The following KIAA0825 variants were observed in gnomAD, a reference collection of about 807,000 sequenced individuals.
The protein encoded by KIAA0825 is uncharacterized protein KIAA0825.
A neutral mutation model predicts 147.6 loss-of-function variants in KIAA0825; 119 were observed. The observed-to-expected ratio is 0.81, with a 90% CI of 0.69 to 0.94. The LOEUF (loss-of-function observed/expected upper bound fraction) is 0.94, where lower values mean the gene tolerates loss of function less well. Among genes scored for constraint, KIAA0825 ranks in the 40% least tolerant of loss-of-function variants. KIAA0825 has a pLI of 0.00. For synonymous variants in KIAA0825, 470 were observed against 518.1 expected, an observed-to-expected ratio of 0.91 and a Z score of 1.26; for missense variants, 1,381 against 1,472.7, an observed-to-expected ratio of 0.94 and a Z score of 1.02.
chr5:94,343,766 CTCTA>C (rs1224333596), intron 20 of KIAA0825, among the ~76,000 whole-genome samples: 4 of 152,244 alleles, frequency 2.6e-5, no homozygotes, highest in African/African-American at 4.8e-5. Flanking sequence ...GTTTGTATCC[CTCTA>C]TCTATCTACC....
intron 2 of KIAA0825, among the ~76,000 whole-genome samples, chr5:94,541,825 A>G (rs1340235980): frequency 2.6e-5 from 4 of 152,256 alleles, no homozygotes; most frequent in African/African-American, 9.6e-5. Flanking sequence ...TTTAGTATAA[A>G]GTCATACAGG....
intron 9 of KIAA0825, among the ~76,000 whole-genome samples, 162 bp downstream of exon 9, chr5:94,471,304 A>G (rs1761191763): frequency 6.6e-6 from 1 of 152,080 alleles, no homozygotes; most frequent in Non-Finnish European, 1.5e-5. Flanking sequence ...CCCATGCTCC[A>G]CCTTTTTGAT....
intron 20 of KIAA0825, among the ~76,000 whole-genome samples, chr5:94,293,820 G>T (rs535415027): frequency 6.6e-6 from 1 of 152,282 alleles, no homozygotes; most frequent in South Asian, 2.1e-4. Flanking sequence ...ATAAATTTAG[G>T]ATAGTTAGTT....
At chr5:94,448,272 A>G (rs1757975633) in intron 13 of KIAA0825, among the ~76,000 whole-genome samples, 1 of 151,522 alleles carries the variant, frequency 6.6e-6, no homozygotes, top group Non-Finnish European at 1.5e-5. Flanking sequence ...AAATATATTT[A>G]TTTTCCCTAA....
chr5:94,468,087 G>T (rs1167277681), intron 10 of KIAA0825, among the ~76,000 whole-genome samples: 1 of 152,022 alleles, frequency 6.6e-6, no homozygotes, highest in Non-Finnish European at 1.5e-5. Context: ...TAATCACAGG[G>T]TAACTATCTG....
chr5:94,574,530 T>A, intron 2 of KIAA0825, among the ~76,000 whole-genome samples: 1 of 108,494 alleles, frequency 9.2e-6, no homozygotes, highest in African/African-American at 3.9e-5. Context: ...GGTGACAGTG[T>A]AAGACTCCAT....
intron 20 of KIAA0825, among the ~76,000 whole-genome samples, chr5:94,378,355 A>AT (rs1308805780): frequency 1.3e-5 from 2 of 152,102 alleles, no homozygotes; most frequent in Non-Finnish European, 2.9e-5. Context: ...AACAAGCAGT[A>AT]TTTGGTTTTC....
intron 20 of KIAA0825, among the ~76,000 whole-genome samples, chr5:94,348,622 A>C (rs1209249400): frequency 6.6e-6 from 1 of 152,196 alleles, no homozygotes; most frequent in Non-Finnish European, 1.5e-5. Flanking sequence ...GGGTGAAAAA[A>C]GGCATTTCAT....
chr5:94,398,900 AAAGTCAC>A (rs1751018145), intron 16 of KIAA0825, among the ~76,000 whole-genome samples: 1 of 152,174 alleles, frequency 6.6e-6, no homozygotes, highest in Non-Finnish European at 1.5e-5. Flanking sequence ...TAACATTTAA[AAAGTCAC>A]TCTGTTCCAA....
At chr5:94,266,382 G>A (rs948723510) in intron 20 of KIAA0825, among the ~76,000 whole-genome samples, 4 of 147,962 alleles carry the variant, frequency 2.7e-5, no homozygotes, top group Middle Eastern at 3.5e-3. Context: ...AACAACTCAT[G>A]ATGTCATAAA....
At chr5:94,388,541 G>T (rs575478343) in intron 18 of KIAA0825, among the ~76,000 whole-genome samples, 1 of 152,074 alleles carries the variant, frequency 6.6e-6, no homozygotes, top group Non-Finnish European at 1.5e-5. Context: ...TTTTTAAAAG[G>T]AATACTTTCG....
At chr5:94,281,967 C>T (rs1450827138) in intron 20 of KIAA0825, among the ~76,000 whole-genome samples, 3 of 152,060 alleles carry the variant, frequency 2.0e-5, no homozygotes, top group Non-Finnish European at 4.4e-5. Context: ...GAAGTCTTCC[C>T]GGATGATCCC....
rs565600769 is a variant in KIAA0825, at chr5:94,152,715, T to C, written c.*1292A>G. ...CTGTAGTTCTAGCTACTCAGGAGGC[T>C]GAGGTGGGAGTATTGCTTGAGCCTA... On this transcript the variant is annotated 3_prime_UTR_variant, in exon 21 of 21. Transcript: ENST00000682413. Among the ~76,000 whole-genome samples, 124 of 146,244 alleles carry C rather than the reference T, an allele frequency of 8.5e-4. 2 individuals carry two copies. Among genetic ancestry groups the C allele is most frequent in the Admixed American group, 8.0e-3 (114 of 14,260 alleles).
chr5:94,609,376 G>T (rs1367723169), intron 1 of KIAA0825, among the ~76,000 whole-genome samples: 1 of 151,946 alleles, frequency 6.6e-6, no homozygotes, highest in Non-Finnish European at 1.5e-5. Context: ...TTTTAAAGCT[G>T]TTTTTGTTAA....
intron 2 of KIAA0825, among the ~76,000 whole-genome samples, chr5:94,550,944 C>T (rs1293278476): frequency 6.6e-6 from 1 of 151,332 alleles, no homozygotes; most frequent in Non-Finnish European, 1.5e-5. Context: ...ATAAAACTCA[C>T]TCATATATAA....
At chr5:94,313,694 A>T (rs1354112074) in intron 20 of KIAA0825, among the ~76,000 whole-genome samples, 1 of 150,858 alleles carries the variant, frequency 6.6e-6, no homozygotes, top group East Asian at 2.0e-4. Flanking sequence ...TTAAATGAAG[A>T]TTATTTTCCC....
intron 20 of KIAA0825, among the ~76,000 whole-genome samples, chr5:94,338,449 G>T (rs746747825): frequency 3.3e-5 from 5 of 152,116 alleles, no homozygotes; most frequent in Non-Finnish European, 5.9e-5. Flanking sequence ...GTGGGTGTGT[G>T]TGTATACTAT....
intron 20 of KIAA0825, among the ~76,000 whole-genome samples, chr5:94,272,284 A>G (rs1342870094): frequency 6.6e-6 from 1 of 152,074 alleles, no homozygotes; most frequent in Non-Finnish European, 1.5e-5. Flanking sequence ...TGATAGCACA[A>G]CAGAGTGACT....
At chr5:94,414,564 T>C (rs1480853464) in intron 15 of KIAA0825, 1 of 152,190 alleles carries the variant, frequency 6.6e-6, no homozygotes, top group Non-Finnish European at 1.5e-5. Flanking sequence ...ATGTCCAGTC[T>C]AAAGAGTTAT....
Sources: allele counts gnomAD v4.1 joint callset (sites outside exome capture counted in the v4.1 genomes callset), GRCh38; gene constraint gnomAD v4.1.1; transcripts MANE v1.5; gene names NCBI Gene and HGNC (gene_info 2026-07-23, HGNC 2026-07-21).